The following TMTC3 variants were observed in gnomAD, a reference collection of about 807,000 sequenced individuals.
TMTC3 encodes protein O-mannosyl-transferase TMTC3.
TMTC3 carries 52 observed loss-of-function variants against 92.2 expected under a neutral mutation model. The observed-to-expected ratio is 0.56, with a 90% CI of 0.45 to 0.71. The LOEUF is 0.71. Among genes scored for constraint, TMTC3 ranks in the 30% least tolerant of loss-of-function variants. TMTC3 has a pLI of 0.00. For synonymous variants in TMTC3, 339 were observed against 363.3 expected (o/e 0.93, Z 0.76); for missense variants, 896 against 1,057.1 (o/e 0.85, Z 2.11).
intron 12 of TMTC3, among the ~76,000 whole-genome samples, chr12:88,190,914 T>C (rs2041435264): frequency 6.6e-6 from 1 of 152,184 alleles, no homozygotes; most frequent in South Asian, 2.1e-4. Context: ...AATTGTTCTT[T>C]TCCTATTTAA....
chr12:88,162,620 A>C (rs999891459), intron 6 of TMTC3, among the ~76,000 whole-genome samples: 1 of 152,174 alleles, frequency 6.6e-6, no homozygotes, highest in African/African-American at 2.4e-5. Flanking sequence ...CATCTTCAGA[A>C]GGAAGTCTGA....
Position 88,192,703 on chromosome 12 carries a change from C to T in TMTC3, c.1806C>T (p.Asn602=). The change falls in exon 13 of 14, where the codon AAC becomes AAT. Residue 602 remains asparagine, a synonymous_variant. Coordinates refer to ENST00000266712, the MANE Select transcript of TMTC3 (RefSeq NM_181783.4). The stretch of plus-strand genomic sequence containing the variant: ...GAAATAATGCAGATCTTTGGTACAA[C>T]TTGGCAATTGTACATATTGAACTTA... ...LDRNNADLWY[N]LAIVHIELKE... is the part of the protein sequence containing the mutation. 1 of 1,613,362 alleles carries T rather than the reference C, an allele frequency of 6.2e-7. No individual in the cohort carries two copies. The highest frequency in any genetic ancestry group is 8.5e-7 in the Non-Finnish European group (1 of 1,179,546).
chr12:88,146,935 T>C (rs2040883182), intron 1 of TMTC3, among the ~76,000 whole-genome samples: 1 of 150,354 alleles, frequency 6.7e-6, no homozygotes, highest in South Asian at 2.1e-4. Flanking sequence ...CGTATTATTG[T>C]ATATTTTAAA....
Position 88,195,292 on chromosome 12 carries a change from AAC to A in TMTC3, c.2391_2392del (p.Leu798GlyfsTer6), listed in dbSNP as rs2041497455. ...TAAAAGCTGAAAGATGCCTTCTTGA[AAC>A]ACTGGCATTAGCACCACATGAAGAA... ...LLKAERCLLETLALAPHEEYI... is the reference protein window; with the variant it reads ...LLKAERCLLEXLALAPHEEYI... On this transcript the variant is annotated frameshift_variant, in exon 14 of 14. Transcript: ENST00000266712. LOFTEE classifies it high-confidence loss of function. 1 of 1,613,768 alleles carries A rather than the reference AAC, an allele frequency of 6.2e-7. No homozygotes were observed. The highest frequency in any genetic ancestry group is 8.5e-7 in the Non-Finnish European group (1 of 1,179,906).
chr12:88,182,722 A>G (rs1055179604), intron 10 of TMTC3, among the ~76,000 whole-genome samples: 1 of 152,064 alleles, frequency 6.6e-6, no homozygotes, highest in Non-Finnish European at 1.5e-5. Context: ...GTATTTAGGA[A>G]ATTCTTTTCT....
At chr12:88,189,116 C>T (rs562745846) in intron 11 of TMTC3, among the ~76,000 whole-genome samples, 170 bp downstream of exon 11, 44 of 146,174 alleles carry the variant, frequency 3.0e-4, no homozygotes, top group Non-Finnish European at 5.8e-4. Flanking sequence ...TTTTTGGAGA[C>T]GGAGTCTTGC....
intron 4 of TMTC3, among the ~76,000 whole-genome samples, chr12:88,155,721 C>G (rs2041000592): frequency 6.6e-6 from 1 of 152,162 alleles, no homozygotes; most frequent in Admixed American, 6.5e-5. Context: ...TAGCTTTTCA[C>G]CATATTATAT....
At chr12:88,165,607 A>G (rs1253635299) in intron 6 of TMTC3, among the ~76,000 whole-genome samples, 1 of 152,098 alleles carries the variant, frequency 6.6e-6, no homozygotes, top group Non-Finnish European at 1.5e-5. Flanking sequence ...TATATATTAT[A>G]ACCAATATAA....
chr12:88,175,258 G>A (rs960965467), intron 9 of TMTC3, among the ~76,000 whole-genome samples: 3 of 151,676 alleles, frequency 2.0e-5, no homozygotes, highest in Non-Finnish European at 2.9e-5. Context: ...CAGAAAGAAA[G>A]GATCAAGATT....
intron 10 of TMTC3, among the ~76,000 whole-genome samples, chr12:88,179,926 C>A (rs917208839): frequency 3.3e-5 from 5 of 152,210 alleles, no homozygotes. Context: ...CTACCCTTTG[C>A]TCTCAGGCTC....
At chr12:88,182,165 T>C (rs2041325503) in intron 10 of TMTC3, among the ~76,000 whole-genome samples, 1 of 152,244 alleles carries the variant, frequency 6.6e-6, no homozygotes, top group Admixed American at 6.5e-5. Flanking sequence ...GATAGTGTTT[T>C]AGTCCCAGTA....
chr12:88,169,733 G>A (rs1000368066), intron 7 of TMTC3, among the ~76,000 whole-genome samples: 4 of 152,090 alleles, frequency 2.6e-5, no homozygotes, highest in East Asian at 1.9e-4. Flanking sequence ...GAGGCCAGGA[G>A]TTTGGGACAA....
chr12:88,182,930 C>T (rs1261287158), intron 10 of TMTC3, among the ~76,000 whole-genome samples: 2 of 152,144 alleles, frequency 1.3e-5, no homozygotes, highest in South Asian at 2.1e-4. Flanking sequence ...ATAATGACTA[C>T]AGGCCAATCT....
intron 7 of TMTC3, among the ~76,000 whole-genome samples, chr12:88,172,281 A>G (rs954446527): frequency 2.6e-5 from 4 of 152,036 alleles, no homozygotes; most frequent in African/African-American, 9.7e-5. Flanking sequence ...AATTTCAAGG[A>G]GTAATCACTC....
intron 1 of TMTC3, among the ~76,000 whole-genome samples, chr12:88,143,261 T>G (rs1342049409): frequency 1.3e-5 from 2 of 152,130 alleles, no homozygotes; most frequent in South Asian, 4.1e-4. Flanking sequence ...ACCCCCAATT[T>G]GGGTAAAATA....
In TMTC3 at chr12:88,195,380, C is replaced by G. The variant is rs374252143; in HGVS notation, c.2476C>G (p.Pro826Ala). ...DKISSSSFIE[P>A]IFPTSKISSV... ...GATTTCCTCATCTAGTTTTATAGAGCCAATATTCCCAACCAGTAAGATTTC... is the reference window on the plus strand; with the variant it reads ...GATTTCCTCATCTAGTTTTATAGAGGCAATATTCCCAACCAGTAAGATTTC... The change falls in exon 14 of 14, where the codon CCA (proline) becomes GCA (alanine). Residue 826 changes from proline to alanine, a missense_variant. Physicochemically the swap from Pro to Ala is conservative, Grantham distance 27. Coordinates refer to ENST00000266712, the MANE Select transcript of TMTC3 (RefSeq NM_181783.4). The G allele has an allele frequency of 1.9e-6, 3 of 1,613,584 alleles. No individual in the cohort carries two copies. The African/African-American group carries it at 4.0e-5, about 22-fold the overall frequency.
Position 88,198,196 on chromosome 12 carries a change from T to C in TMTC3, c.*2547T>C. The C allele has an allele frequency of 7.6e-6, 3 of 396,020 alleles. No individual in the cohort carries two copies. The highest frequency in any genetic ancestry group is 1.3e-5 in the Non-Finnish European group (3 of 224,578). 24.5% of individuals were successfully genotyped at this position (396,020 alleles called of 1,614,324 possible). On this transcript the variant is annotated 3_prime_UTR_variant, in exon 14 of 14. Coordinates refer to ENST00000266712, the MANE Select transcript of TMTC3 (RefSeq NM_181783.4). ...TTCAAACTGTTCAGGTGAGAAAACA[T>C]AATGGATTTTTTTTTTTTTCCTCTG...
intron 7 of TMTC3, among the ~76,000 whole-genome samples, chr12:88,167,423 TA>T (rs1349673446): frequency 6.6e-5 from 10 of 152,090 alleles, no homozygotes; most frequent in African/African-American, 2.4e-4. Flanking sequence ...AAAATAAAAA[TA>T]AAAGTTTATT....
Position 88,172,413 on chromosome 12 carries a change from T to C in TMTC3, c.1051-184T>C, listed in dbSNP as rs116619358. On this transcript the variant is annotated intron_variant, in intron 7 of 13. Transcript: ENST00000266712. ...ATCCTGATGTTTGTTAATGTCTAAG[T>C]TGCCTTCTTTATGTTTAAATTAATA... 2.5e-3 allele frequency among the ~76,000 whole-genome samples: 386 copies of C among 152,070 alleles called. 3 individuals are homozygous for C. Among genetic ancestry groups the C allele is most frequent in the African/African-American group, 9.1e-3 (378 of 41,552 alleles).
Sources: gnomAD v4.1 joint callset for allele counts (sites outside exome capture counted in the v4.1 genomes callset) on GRCh38, gnomAD v4.1.1 for gene constraint, MANE v1.5 for transcripts, NCBI Gene and HGNC (gene_info 2026-07-23, HGNC 2026-07-21) for gene names.